The following IL1RAPL2 variants were observed in gnomAD, a reference collection of about 807,000 sequenced individuals.
The protein encoded by IL1RAPL2 is X-linked interleukin-1 receptor accessory protein-like 2.
In IL1RAPL2, 3 loss-of-function variants were observed where a neutral mutation model predicts 44.1. The observed-to-expected ratio is 0.07, with a 90% confidence interval of 0.03 to 0.18. The LOEUF is 0.18. Ranked by LOEUF, IL1RAPL2 falls within the 10% of genes least tolerant of loss-of-function variation. The pLI is 1.00. For missense variants in IL1RAPL2, 391 were observed against 496.4 expected (o/e 0.79, Z 2.02); for synonymous variants, 181 against 178.8 (o/e 1.01, Z -0.10).
Position 104,859,382 on chromosome X carries a change from A to G in IL1RAPL2, c.82+200387A>G, listed in dbSNP as rs146257165. ...GCTAAAGCAAGGTCAGAGTGGAACA[A>G]CAAGGTACAGTGGGAAGAGCAAAGG... On this transcript the variant is annotated intron_variant, in intron 2 of 10. Coordinates refer to ENST00000372582, the MANE Select transcript of IL1RAPL2 (RefSeq NM_017416.2). Among the ~76,000 whole-genome samples the G allele has an allele frequency of 7.1e-3, 710 of 100,113 alleles. 3 individuals carry two copies. Among genetic ancestry groups the G allele is most frequent in the African/African-American group, 0.025 (677 of 27,357 alleles). 86.9% of individuals were successfully genotyped at this position (100,113 alleles called of 115,157 possible). A position where few individuals can be genotyped will look rare whatever the true frequency, so the allele number is the denominator to read the frequency against.
chrX:104,740,965 A>G (rs1206925170), intron 2 of IL1RAPL2, among the ~76,000 whole-genome samples: 2 of 111,472 alleles, frequency 1.8e-5, no homozygotes, highest in Non-Finnish European at 3.8e-5. Flanking sequence ...TCCAGTCTAC[A>G]TTAAGAAATC....
At chrX:104,922,320 T>C (rs1924666715) in intron 2 of IL1RAPL2, among the ~76,000 whole-genome samples, 1 of 113,021 alleles carries the variant, frequency 8.8e-6, no homozygotes, top group South Asian at 3.6e-4. Context: ...ACTGCAAATA[T>C]CACTGTACAG....
chrX:105,505,520 A>C (rs770669442), intron 6 of IL1RAPL2, among the ~76,000 whole-genome samples: 3 of 111,577 alleles, frequency 2.7e-5, no homozygotes, highest in Admixed American at 9.5e-5. Context: ...AATTAAGAAA[A>C]AATGTGCCTC....
intron 4 of IL1RAPL2, among the ~76,000 whole-genome samples, chrX:105,237,446 T>G (rs1020162029): frequency 6.2e-5 from 7 of 112,095 alleles, no homozygotes; most frequent in Admixed American, 9.5e-5. Flanking sequence ...ATTGAACCAG[T>G]TTACAGTCCC....
At chrX:105,053,605 A>G (rs1428035925) in intron 2 of IL1RAPL2, among the ~76,000 whole-genome samples, 1 of 111,703 alleles carries the variant, frequency 9.0e-6, no homozygotes, top group Non-Finnish European at 1.9e-5. Flanking sequence ...TGATTGGTTG[A>G]TATTACAGTA....
chrX:104,715,144 A>G (rs1360273575), intron 2 of IL1RAPL2, among the ~76,000 whole-genome samples: 5 of 109,658 alleles, frequency 4.6e-5, no homozygotes, highest in African/African-American at 6.6e-5. Flanking sequence ...ATTTACTACT[A>G]ATTAAGTTTT....
At chrX:105,630,367 A>C (rs1461062718) in intron 6 of IL1RAPL2, among the ~76,000 whole-genome samples, 1 of 111,681 alleles carries the variant, frequency 9.0e-6, no homozygotes, top group East Asian at 2.8e-4. Context: ...CCAGAGGTAG[A>C]TACCATTATT....
chrX:105,219,804 G>A (rs1556177754), intron 3 of IL1RAPL2: 2 of 1,144,728 alleles, frequency 1.7e-6, no homozygotes, highest in Admixed American at 2.3e-5. Flanking sequence ...GGGGCAAGGC[G>A]GGAGCACTAA....
At chrX:105,406,390 A>G (rs1268119609) in intron 5 of IL1RAPL2, 7 of 1,068,429 alleles carry the variant, frequency 6.6e-6, no homozygotes, top group Non-Finnish European at 5.2e-6. Context: ...TGTTAGAAGA[A>G]GCAAGATTTT....
chrX:105,358,803 G>A (rs2035226683), intron 5 of IL1RAPL2, among the ~76,000 whole-genome samples: 1 of 111,770 alleles, frequency 8.9e-6, no homozygotes, highest in Non-Finnish European at 1.9e-5. Flanking sequence ...GAATAACTAT[G>A]GTGTGTCGCA....
At chrX:105,157,823 T>C (rs1436131818) in intron 2 of IL1RAPL2, among the ~76,000 whole-genome samples, 8 of 112,208 alleles carry the variant, frequency 7.1e-5, no homozygotes, top group Non-Finnish European at 1.5e-4. Flanking sequence ...GTAGGAGAGA[T>C]TTTAGTTTTG....
intron 2 of IL1RAPL2, among the ~76,000 whole-genome samples, chrX:105,065,010 G>C (rs1286171010): frequency 8.9e-6 from 1 of 112,436 alleles, no homozygotes; most frequent in African/African-American, 3.2e-5. Context: ...CATATGTACT[G>C]ACACTAAATA....
chrX:105,296,760 A>G (rs2034657244), intron 5 of IL1RAPL2, among the ~76,000 whole-genome samples: 1 of 112,177 alleles, frequency 8.9e-6, no homozygotes, highest in Admixed American at 9.5e-5. Context: ...TTAATATGCC[A>G]TTTGATCTCT....
In IL1RAPL2 at chrX:105,406,798, G is replaced by C. The variant is rs1358324985; in HGVS notation, c.698-77515G>C. On this transcript the variant is annotated intron_variant, in intron 5 of 10. Transcript: ENST00000372582. The stretch of plus-strand genomic sequence containing the variant: ...TGGTCTTAAAGCCAATTTAGAAGGT[G>C]CTAATCTGAAAGGTGTGGATATGGA... 5 of 1,170,890 alleles carry C rather than the reference G, an allele frequency of 4.3e-6. 1 individual carries two copies. In the Admixed American group the frequency reaches 1.1e-4, roughly 25 times the overall value.
At chrX:105,200,915 C>CCACACACACACACACA (rs61216729) in intron 3 of IL1RAPL2, among the ~76,000 whole-genome samples, 1 of 104,331 alleles carries the variant, frequency 9.6e-6, no homozygotes, top group African/African-American at 3.5e-5. Context: ...CGTTTCACAC[C>CCACACACACACACACA]CACACACACA....
At chrX:105,493,236 C>T (rs1399474742) in intron 6 of IL1RAPL2, among the ~76,000 whole-genome samples, 1 of 111,631 alleles carries the variant, frequency 9.0e-6, no homozygotes, top group Non-Finnish European at 1.9e-5. Flanking sequence ...CATTCATGTA[C>T]AAATTTATGT....
At chrX:104,944,428 A>G (rs1474838856) in intron 2 of IL1RAPL2, among the ~76,000 whole-genome samples, 1 of 112,078 alleles carries the variant, frequency 8.9e-6, no homozygotes, top group African/African-American at 3.2e-5. Flanking sequence ...TGTCTCTGAA[A>G]ATAGATCTTT....
chrX:104,746,253 G>A (rs1932173254), intron 2 of IL1RAPL2, among the ~76,000 whole-genome samples: 1 of 111,337 alleles, frequency 9.0e-6, no homozygotes, highest in Admixed American at 9.6e-5. Context: ...ACAAATCATA[G>A]CTAGTCTGAC....
chrX:105,062,546 G>C (rs1481112753), intron 2 of IL1RAPL2, among the ~76,000 whole-genome samples: 2 of 110,831 alleles, frequency 1.8e-5, no homozygotes, highest in African/African-American at 6.6e-5. Context: ...TCTTCAGGTG[G>C]TTACTTATTG....
Sources: gnomAD v4.1 joint callset for allele counts (sites outside exome capture counted in the v4.1 genomes callset) on GRCh38, gnomAD v4.1.1 for gene constraint, MANE v1.5 for transcripts, NCBI Gene and HGNC (gene_info 2026-07-23, HGNC 2026-07-21) for gene names.